ZNF142: variants seen among roughly 807,000 people sequenced by gnomAD.
The protein encoded by ZNF142 is zinc finger protein 142 (clone pHZ-49).
In ZNF142, 96 loss-of-function variants were observed where a neutral mutation model predicts 132.1. The ratio of observed to expected loss-of-function variants is 0.73; its 90% CI spans 0.62 to 0.86. The LOEUF (loss-of-function observed/expected upper bound fraction) is 0.86, where lower values mean the gene tolerates loss of function less well. ZNF142 is among the 40% of genes least tolerant of loss of function. The pLI, the probability that ZNF142 is intolerant of heterozygous loss-of-function variation, is 0.00. For synonymous variants in ZNF142, 842 were observed against 890.1 expected (o/e 0.95, Z 0.96); for missense variants, 2,163 against 2,336.2 (o/e 0.93, Z 1.53).
rs760996437 is a variant in ZNF142 at position 218,643,569 on chromosome 2, G to A, written c.3547C>T (p.Pro1183Ser). 46 of 1,594,430 alleles carry A rather than the reference G, an allele frequency of 2.9e-5. No homozygotes were observed. The South Asian group carries it at 5.1e-4, about 18-fold the overall frequency. Residue 1183 changes from proline (P) to serine (S), a missense_variant, in exon 9 of 11, where the codon CCA (proline) becomes TCA (serine). Pro to Ser is a moderately conservative substitution (Grantham distance 74). This residue lies in a region of ZNF142 where 809 missense variants were observed against 801.7 expected (regional missense o/e 1.01). Coordinates refer to ENST00000411696, the MANE Select transcript of ZNF142 (RefSeq NM_001379659.1). ...TEAPKKHCFD[P>S]VPPAGNSSPT... Reference sequence around the variant, plus strand: ...GAGGAGTTTCCTGCAGGAGGGACTGGGTCAAAGCAGTGCTTCTTAGGGGCC... The same window carrying A: ...GAGGAGTTTCCTGCAGGAGGGACTGAGTCAAAGCAGTGCTTCTTAGGGGCC...
At position 218,636,136 on chromosome 2, in the gene ZNF142, C is replaced by G; in HGVS notation, c.*2203G>C. 7.1e-7 allele frequency: 1 copy of G among 1,399,486 alleles called. No individual in the cohort carries two copies. Among genetic ancestry groups the G allele is most frequent in the Non-Finnish European group, 9.9e-7 (1 of 1,005,780 alleles). 86.7% of individuals were successfully genotyped at this position (1,399,486 alleles called of 1,614,324 possible). ...GCTTACTCTGAGCCTTTTTCCTTAC[C>G]TGTAAAATGCTGATTGCCATCTAGA... On this transcript the variant is annotated 3_prime_UTR_variant, in exon 11 of 11. Transcript: ENST00000411696.
Position 218,643,591 on chromosome 2 carries a change from G to A in ZNF142, c.3525C>T (p.Ala1175=), listed in dbSNP as rs1697449541. 1.3e-6 allele frequency: 2 copies of A among 1,571,162 alleles called. No homozygotes were observed. Among genetic ancestry groups the A allele is most frequent in the East Asian group, 2.2e-5 (1 of 44,514 alleles). The change falls in exon 9 of 11, where the codon GCC becomes GCT. Residue 1175 remains alanine, a synonymous_variant. Coordinates refer to ENST00000411696, the MANE Select transcript of ZNF142 (RefSeq NM_001379659.1). ...PPAGNSLPTE[A]PKKHCFDPVP... is the part of the protein sequence containing the mutation. ...CTGGGTCAAAGCAGTGCTTCTTAGG[G>A]GCCTCTGTGGGCAAGGAGTTTCCTG...
At chr2:218,651,614 T>A in intron 5 of ZNF142, 87 bp downstream of exon 5, 1 of 1,193,194 alleles carries the variant, frequency 8.4e-7, no homozygotes, top group Non-Finnish European at 1.1e-6. Context: ...TCATGTACAT[T>A]CATGGCCTTG....
In ZNF142 at chr2:218,642,585, C is replaced by T. The variant is rs748046992; in HGVS notation, c.4531G>A (p.Glu1511Lys). The change falls in exon 9 of 11, where the codon GAG becomes AAG. Residue 1511 changes from glutamate (E) to lysine (K), a missense_variant. By Grantham distance (56) the Glu-to-Lys change is moderately conservative (BLOSUM62 1). Coordinates refer to ENST00000411696, the MANE Select transcript of ZNF142 (RefSeq NM_001379659.1). This position sits in a 1 kb window ranked among gnomAD's most constrained non-coding sequence, Gnocchi z 4.6. ...LKQHALRRHPEPAQPAPGSPA... is the reference protein window; with the variant it reads ...LKQHALRRHPKPAQPAPGSPA... ...GAGCCAGGGGCAGGCTGTGCAGGCT[C>T]GGGGTGTCGGCGCAGAGCATGCTGC... 8.1e-6 allele frequency: 13 copies of T among 1,606,946 alleles called. No homozygotes were observed. Among genetic ancestry groups the T allele is most frequent in the South Asian group, 2.2e-5 (2 of 90,580 alleles).
rs761810096 is a variant in ZNF142, at chr2:218,656,195, T to C, written c.235A>G (p.Thr79Ala). The C allele has an allele frequency of 1.4e-5, 23 of 1,610,726 alleles. No individual in the cohort carries two copies. The highest frequency in any genetic ancestry group is 1.8e-5 in the Non-Finnish European group (21 of 1,178,124). The change falls in exon 4 of 11, where the codon ACA becomes GCA. Residue 79 changes from threonine (T) to alanine (A), a missense_variant. Around this residue, in one of 7 missense-constraint regions of ZNF142, gnomAD observed 195 missense variants for 172.4 expected, o/e 1.13. Coordinates refer to ENST00000411696, the MANE Select transcript of ZNF142 (RefSeq NM_001379659.1). The stretch of plus-strand genomic sequence containing the variant: ...CCTGGGGTCAGGGTTCCAGCTACTG[T>C]CTCCACAATGATCTCCATGTTCCCT... ...GPGNMEIIVE[T>A]VAGTLTPGAP... is the part of the protein sequence containing the mutation.
In ZNF142 at chr2:218,636,194, A is replaced by C. The variant is rs768761276; in HGVS notation, c.*2145T>G. The C allele has an allele frequency of 6.3e-7, 1 of 1,584,008 alleles. No individual in the cohort carries two copies. Among genetic ancestry groups the C allele is most frequent in the Non-Finnish European group, 8.7e-7 (1 of 1,153,888 alleles). On this transcript the variant is annotated 3_prime_UTR_variant, in exon 11 of 11. Transcript: ENST00000411696. ...AGAACACAAGAAAAGCAACCCAGTC[A>C]AGAAAACTGTCATAATGTCTTCTTA...
At chr2:218,640,303 C>T (rs1697081741) in intron 10 of ZNF142, among the ~76,000 whole-genome samples, 1 of 152,158 alleles carries the variant, frequency 6.6e-6, no homozygotes, top group Non-Finnish European at 1.5e-5. Context: ...CCTTCACTTT[C>T]TCCTTTTTAA....
rs769111626 is a variant in ZNF142, at chr2:218,658,997, ACACAGTCGCTT to A, written c.-239_-229del. 3.3e-5 allele frequency: 5 copies of A among 152,242 alleles called. No homozygotes were observed. Among genetic ancestry groups the A allele is most frequent in the Non-Finnish European group, 7.3e-5 (5 of 68,080 alleles). 9.4% of individuals were successfully genotyped at this position (152,242 alleles called of 1,614,324 possible). On this transcript the variant is annotated 5_prime_UTR_variant, in exon 2 of 11. The change abolishes the stop of an existing upstream ORF in the 5' untranslated region. Coordinates refer to ENST00000411696, the MANE Select transcript of ZNF142 (RefSeq NM_001379659.1). ...TGACTCACCGCGTGGTCTTGGACAG[ACACAGTCGCTT>A]CGCTTCTCTGGGCCTCAGCTTTCCT... is the stretch of plus-strand genomic sequence containing the variant.
In ZNF142 at chr2:218,633,830, G is replaced by T. The variant is rs1295819179; in HGVS notation, c.*4509C>A. 2.6e-6 allele frequency: 4 copies of T among 1,559,522 alleles called. No individual in the cohort carries two copies. The highest frequency in any genetic ancestry group is 1.8e-5 in the Admixed American group (1 of 56,972). The stretch of plus-strand genomic sequence containing the variant: ...AGGTTCAGGCCTGATGGACTGGCAG[G>T]TAAGTCCCAAGAAAAAAGACAAGGT... On this transcript the variant is annotated 3_prime_UTR_variant, in exon 11 of 11. Transcript: ENST00000411696.
chr2:218,645,343 G>A (rs1390300373), intron 8 of ZNF142, among the ~76,000 whole-genome samples: 1 of 152,196 alleles, frequency 6.6e-6, no homozygotes, highest in South Asian at 2.1e-4. Flanking sequence ...GCCCTATTCT[G>A]TACTGCCTTC....
chr2:218,635,608 C>T lies in ZNF142; in HGVS notation c.*2731G>A, dbSNP rs1204086759. ...TCGGCCTCCTGAAGTGTTGGGATTACAGGTGTGAGCCACCGTGCCCGGCCT... is the reference window on the plus strand; with the variant it reads ...TCGGCCTCCTGAAGTGTTGGGATTATAGGTGTGAGCCACCGTGCCCGGCCT... On this transcript the variant is annotated 3_prime_UTR_variant, in exon 11 of 11. Coordinates refer to ENST00000411696, the MANE Select transcript of ZNF142 (RefSeq NM_001379659.1). 7.9e-5 allele frequency among the ~76,000 whole-genome samples: 12 copies of T among 152,316 alleles called. No individual in the cohort carries two copies. Among genetic ancestry groups the T allele is most frequent in the Non-Finnish European group, 4.4e-5 (3 of 68,030 alleles).
Position 218,646,363 on chromosome 2 carries a change from G to A in ZNF142, c.1874-15C>T, listed in dbSNP as rs1321473963. On this transcript the variant is annotated splice_polypyrimidine_tract_variant and intron_variant, in intron 7 of 10. Transcript: ENST00000411696. ...GGGCTTCTCACCTTATATGGGGGAT[G>A]CGGATGAAGGGAGAGAACACAGGTC... is the stretch of plus-strand genomic sequence containing the variant. 5 of 1,613,430 alleles carry A rather than the reference G, an allele frequency of 3.1e-6. No individual in the cohort carries two copies. The highest frequency in any genetic ancestry group is 4.2e-6 in the Non-Finnish European group (5 of 1,179,688).
rs1240002534 is a variant in ZNF142 at position 218,638,440 on chromosome 2, C to T, written c.5563G>A (p.Gly1855Ser). The T allele has an allele frequency of 8.3e-6, 13 of 1,573,226 alleles. No individual in the cohort carries two copies. The South Asian group carries it at 1.1e-4, about 13-fold the overall frequency. ...PDQADPNQGV[G>S]KDPTTPTVHL... is the part of the protein sequence containing the mutation. Reference sequence around the variant, plus strand: ...ACTGTGGGGGTGGTGGGGTCTTTGCCCACACCCTGGTTTGGGTCGGCTTGG... The same window carrying T: ...ACTGTGGGGGTGGTGGGGTCTTTGCTCACACCCTGGTTTGGGTCGGCTTGG... Residue 1855 changes from glycine to serine, a missense_variant, in exon 11 of 11, where the codon GGC becomes AGC. Around this residue, in one of 7 missense-constraint regions of ZNF142, gnomAD observed 325 missense variants for 367.8 expected, o/e 0.88. Coordinates refer to ENST00000411696, the MANE Select transcript of ZNF142 (RefSeq NM_001379659.1).
At position 218,643,099 on chromosome 2, in the gene ZNF142, G is replaced by A; in HGVS notation, c.4017C>T (p.Leu1339=). 1 of 1,611,118 alleles carries A rather than the reference G, an allele frequency of 6.2e-7. No homozygotes were observed. The highest frequency in any genetic ancestry group is 8.5e-7 in the Non-Finnish European group (1 of 1,178,718). Reference sequence around the variant, plus strand: ...TGGCAGCAGGAGCAGTGAATGGGCAGAGGCTGCAGTGCAGCTCTCCAGACT... The same window carrying A: ...TGGCAGCAGGAGCAGTGAATGGGCAAAGGCTGCAGTGCAGCTCTCCAGACT... The part of the protein sequence containing the change: ...LEESGELHCS[L]CPFTAPAATA... The change falls in exon 9 of 11, where the codon CTC becomes CTT. Residue 1339 remains leucine, a synonymous_variant. Coordinates refer to ENST00000411696, the MANE Select transcript of ZNF142 (RefSeq NM_001379659.1).
In ZNF142 at chr2:218,656,173, G is replaced by A. The variant is rs776651217; in HGVS notation, c.257C>T (p.Pro86Leu). Residue 86 changes from proline to leucine, a missense_variant, in exon 4 of 11, where the codon CCA (proline) becomes CTA (leucine). Physicochemically the swap from Pro to Leu is moderately conservative, Grantham distance 98 (BLOSUM62 -3). This residue lies in a region of ZNF142 where 195 missense variants were observed against 172.4 expected (regional missense o/e 1.13). Transcript: ENST00000411696. Reference sequence around the variant, plus strand: ...ACCTGGGGTCTCTCCAGGAGCACCTGGGGTCAGGGTTCCAGCTACTGTCTC... The same window carrying A: ...ACCTGGGGTCTCTCCAGGAGCACCTAGGGTCAGGGTTCCAGCTACTGTCTC... ...IVETVAGTLT[P>L]GAPGETPGVL... 6.2e-7 allele frequency: 1 copy of A among 1,601,286 alleles called. No homozygotes were observed. The highest frequency in any genetic ancestry group is 8.5e-7 in the Non-Finnish European group (1 of 1,171,658).
Position 218,633,644 on chromosome 2 carries a change from G to A in ZNF142, c.*4695C>T, listed in dbSNP as rs773968756. 1.2e-6 allele frequency: 2 copies of A among 1,613,368 alleles called. No individual in the cohort carries two copies. Among genetic ancestry groups the A allele is most frequent in the Non-Finnish European group, 1.7e-6 (2 of 1,179,532 alleles). ...CTTGTGTCCAGCCCTCTCTTCCCTGGTTATCTACTTGAAGTCTGTCTCATT... is the reference window on the plus strand; with the variant it reads ...CTTGTGTCCAGCCCTCTCTTCCCTGATTATCTACTTGAAGTCTGTCTCATT... On this transcript the variant is annotated 3_prime_UTR_variant, in exon 11 of 11. Coordinates refer to ENST00000411696, the MANE Select transcript of ZNF142 (RefSeq NM_001379659.1).
At chr2:218,653,778 T>A (rs1242252063) in intron 4 of ZNF142, among the ~76,000 whole-genome samples, 1 of 152,180 alleles carries the variant, frequency 6.6e-6, no homozygotes, top group Non-Finnish European at 1.5e-5. Flanking sequence ...TCATGTTTTT[T>A]CCAGAGCATG....
intron 9 of ZNF142, 101 bp downstream of exon 9, chr2:218,641,927 A>G (rs1219484466): frequency 1.4e-6 from 2 of 1,426,932 alleles, no homozygotes; most frequent in Middle Eastern, 1.9e-4. Context: ...TCCCAAAGTC[A>G]CAGAGCTAAT....
intron 4 of ZNF142, among the ~76,000 whole-genome samples, chr2:218,655,805 C>A (rs1938427602): frequency 6.6e-6 from 1 of 152,090 alleles, no homozygotes; most frequent in African/African-American, 2.4e-5. Context: ...GGCTGCAGTT[C>A]CTGGGTAGGA....
Sources: allele counts gnomAD v4.1 joint callset (sites outside exome capture counted in the v4.1 genomes callset), GRCh38; gene constraint gnomAD v4.1.1; regional missense constraint gnomAD v4.1.1; non-coding constraint Gnocchi (gnomAD v3.1); transcripts MANE v1.5; gene names NCBI Gene and HGNC (gene_info 2026-07-23, HGNC 2026-07-21).